ARHGAP15: variants seen among roughly 807,000 people sequenced by gnomAD.
The protein encoded by ARHGAP15 is rho GTPase-activating protein 15.
ARHGAP15 carries 51 observed loss-of-function variants against 63.7 expected under a neutral mutation model. The observed-to-expected ratio is 0.80, with a 90% CI of 0.64 to 1.01. The LOEUF (loss-of-function observed/expected upper bound fraction) is 1.01. ARHGAP15 is among the 50% of genes least tolerant of loss of function. ARHGAP15 has a pLI of 0.00. For synonymous variants in ARHGAP15, 191 were observed against 193.8 expected (o/e 0.99, Z 0.12); for missense variants, 560 against 564.6 (o/e 0.99, Z 0.08).
chr2:143,370,411 G>C (rs897492184), intron 6 of ARHGAP15, among the ~76,000 whole-genome samples: 3 of 152,104 alleles, frequency 2.0e-5, no homozygotes, highest in African/African-American at 7.2e-5. Context: ...TGACGAGTTA[G>C]TGGGTGCAGC....
chr2:143,706,056 A>G lies in ARHGAP15; in HGVS notation c.1244+2532A>G, dbSNP rs572003098. The stretch of plus-strand genomic sequence containing the variant: ...CACATTTTAAGATTGATTATTATAC[A>G]TGGGAAGAAGTGTTGTTTGCTAGCC... On this transcript the variant is annotated intron_variant, in intron 13 of 13. Transcript: ENST00000295095. Among the ~76,000 whole-genome samples, 30 of 152,328 alleles carry G rather than the reference A, an allele frequency of 2.0e-4. 2 individuals are homozygous for G. In the South Asian group the frequency reaches 6.2e-3, roughly 32 times the overall value.
chr2:143,201,902 G>A (rs1692133612), intron 2 of ARHGAP15, among the ~76,000 whole-genome samples: 1 of 152,112 alleles, frequency 6.6e-6, no homozygotes, highest in Non-Finnish European at 1.5e-5. Flanking sequence ...GAAGAAAGGG[G>A]TGTCAAGGTT....
intron 11 of ARHGAP15, among the ~76,000 whole-genome samples, chr2:143,580,553 C>T (rs1270496212): frequency 6.6e-6 from 1 of 152,096 alleles, no homozygotes; most frequent in African/African-American, 2.4e-5. Context: ...TTTCAAAACT[C>T]CACTGAGGTT....
At chr2:143,222,323 T>C (rs772191988) in intron 4 of ARHGAP15, among the ~76,000 whole-genome samples, 3 of 152,202 alleles carry the variant, frequency 2.0e-5, no homozygotes, top group Non-Finnish European at 2.9e-5. Context: ...ATGACCAAGT[T>C]AGGTAACAAA....
chr2:143,264,275 T>C (rs1232540787), intron 6 of ARHGAP15, among the ~76,000 whole-genome samples: 1 of 152,074 alleles, frequency 6.6e-6, no homozygotes, highest in East Asian at 1.9e-4. Flanking sequence ...AATTAGATAT[T>C]CCTTCTCTAT....
chr2:143,173,001 G>C (rs1485619222), intron 2 of ARHGAP15, among the ~76,000 whole-genome samples: 1 of 152,026 alleles, frequency 6.6e-6, no homozygotes, highest in African/African-American at 2.4e-5. Flanking sequence ...AAAAGGGGGA[G>C]TGAACCAGAC....
At chr2:143,157,453 A>T (rs1314044429) in intron 2 of ARHGAP15, among the ~76,000 whole-genome samples, 3 of 151,674 alleles carry the variant, frequency 2.0e-5, no homozygotes, top group Non-Finnish European at 4.4e-5. Flanking sequence ...TGTATGCTGG[A>T]CTGCTAGAGA....
intron 6 of ARHGAP15, among the ~76,000 whole-genome samples, chr2:143,253,278 A>ATTTTT (rs1390676886): frequency 7.8e-5 from 11 of 141,328 alleles, no homozygotes; most frequent in Non-Finnish European, 1.3e-4. Context: ...TGAACTTAAA[A>ATTTTT]TGAATAGGAA....
At chr2:143,598,182 TGAAATGCA>T (rs1170140690) in intron 11 of ARHGAP15, among the ~76,000 whole-genome samples, 16 of 152,270 alleles carry the variant, frequency 1.1e-4, no homozygotes, top group Non-Finnish European at 1.5e-4. Flanking sequence ...CAGGAGTGTC[TGAAATGCA>T]TGAAGTTAAG....
At chr2:143,276,302 C>T (rs1221841992) in intron 6 of ARHGAP15, among the ~76,000 whole-genome samples, 1 of 152,186 alleles carries the variant, frequency 6.6e-6, no homozygotes, top group Non-Finnish European at 1.5e-5. Flanking sequence ...CTACTCTTTG[C>T]AGCCGACTTA....
chr2:143,656,934 G>GGTGTGTGTGTGTGTGTGTGTGTGTGT (rs5834961), intron 12 of ARHGAP15, among the ~76,000 whole-genome samples: 2,662 of 144,904 alleles, frequency 0.018, 62 homozygotes, highest in East Asian at 0.02. Context: ...CAAAGTTTCT[G>GGTGTGTGTGTGTGTGTGTGTGTGTGT]GTGTGTGTGT....
rs772248615 is a variant in ARHGAP15 at position 143,587,756 on chromosome 2, A to T, written c.1003+31271A>T. ...TGTGGACACCCCTAGTAAGCTGCAG[A>T]TTTTTCACAGTGGTCATTTGACCTC... On this transcript the variant is annotated intron_variant, in intron 11 of 13. Coordinates refer to ENST00000295095, the MANE Select transcript of ARHGAP15 (RefSeq NM_018460.4). 7.4e-5 allele frequency: 35 copies of T among 470,390 alleles called. No homozygotes were observed. In the East Asian group the frequency reaches 1.5e-3, roughly 20 times the overall value. 29.1% of individuals were successfully genotyped at this position (470,390 alleles called of 1,614,324 possible). A position where few individuals can be genotyped will look rare whatever the true frequency, so the allele number is the denominator to read the frequency against.
chr2:143,547,211 G>A (rs1383400003), intron 10 of ARHGAP15, among the ~76,000 whole-genome samples: 1 of 152,166 alleles, frequency 6.6e-6, no homozygotes, highest in Non-Finnish European at 1.5e-5. Flanking sequence ...AGCTTAGAGA[G>A]ATATGTAAGA....
chr2:143,328,555 A>T (rs1340575570), intron 6 of ARHGAP15, among the ~76,000 whole-genome samples: 1 of 152,116 alleles, frequency 6.6e-6, no homozygotes, highest in African/African-American at 2.4e-5. Context: ...GGACACAGGG[A>T]GGGGAACATC....
At chr2:143,343,443 A>G (rs1004127343) in intron 6 of ARHGAP15, among the ~76,000 whole-genome samples, 7 of 152,046 alleles carry the variant, frequency 4.6e-5, no homozygotes, top group African/African-American at 1.7e-4. Flanking sequence ...AGATTGGACT[A>G]AGAATGTTTT....
chr2:143,749,980 A>G (rs1686308996), intron 13 of ARHGAP15, among the ~76,000 whole-genome samples: 1 of 152,022 alleles, frequency 6.6e-6, no homozygotes, highest in Non-Finnish European at 1.5e-5. Context: ...CTTTTTAGCA[A>G]CTCTGAGTCC....
In ARHGAP15 at chr2:143,361,683, T is replaced by A. The variant is rs190162698; in HGVS notation, c.475-73918T>A. Among the ~76,000 whole-genome samples the A allele has an allele frequency of 2.3e-3, 345 of 149,064 alleles. 1 individual carries two copies. The highest frequency in any genetic ancestry group is 8.2e-3 in the African/African-American group (336 of 40,886). Reference sequence around the variant, plus strand: ...TATGAGACACATGGACTTTGGGATTTAAAAAAAAAAATTCTGCTTCCTCTT... The same window carrying A: ...TATGAGACACATGGACTTTGGGATTAAAAAAAAAAAATTCTGCTTCCTCTT... On this transcript the variant is annotated intron_variant, in intron 6 of 13. Transcript: ENST00000295095.
chr2:143,672,777 G>A (rs1284291839), intron 12 of ARHGAP15, among the ~76,000 whole-genome samples: 1 of 152,098 alleles, frequency 6.6e-6, no homozygotes, highest in African/African-American at 2.4e-5. Flanking sequence ...AAAGACAATG[G>A]TAAAGCACAT....
chr2:143,160,435 G>A (rs767165418), intron 2 of ARHGAP15, among the ~76,000 whole-genome samples: 1 of 151,920 alleles, frequency 6.6e-6, no homozygotes, highest in Non-Finnish European at 1.5e-5. Flanking sequence ...AAAGATCCAG[G>A]CCTCTGATAT....
Sources: gnomAD v4.1 joint callset for allele counts (sites outside exome capture counted in the v4.1 genomes callset) on GRCh38, gnomAD v4.1.1 for gene constraint, MANE v1.5 for transcripts, NCBI Gene and HGNC (gene_info 2026-07-23, HGNC 2026-07-21) for gene names.